The following KTN1 variants were observed in gnomAD, a reference collection of about 807,000 sequenced individuals.
KTN1 encodes the protein kinectin.
KTN1 carries 130 observed loss-of-function variants against 222.5 expected under a neutral mutation model. That is an observed-to-expected ratio of 0.58 (90% CI 0.51 to 0.68). KTN1 has a LOEUF of 0.68. KTN1 is among the 30% of genes least tolerant of loss of function. The probability of loss-of-function intolerance (pLI) is 0.00; values close to 1 mark genes in which losing one functional copy is unlikely to be tolerated. For synonymous variants in KTN1, 512 were observed against 496.3 expected (o/e 1.03, Z -0.42); for missense variants, 1,508 against 1,500.4 (o/e 1.01, Z -0.08).
At chr14:55,683,855 T>C (rs1595370254) in intron 43 of KTN1, 1 of 411,236 alleles carries the variant, frequency 2.4e-6, no homozygotes, top group Non-Finnish European at 4.3e-6. Flanking sequence ...CCAGTGTTGT[T>C]GTTTTAAATG....
chr14:55,664,096 G>A (rs1395657791), intron 33 of KTN1, 55 bp downstream of exon 33: 1 of 1,185,328 alleles, frequency 8.4e-7, no homozygotes, highest in Non-Finnish European at 1.2e-6. Flanking sequence ...TCTGCAGCTT[G>A]TCTTAAAATC....
In KTN1 at chr14:55,636,372, G is replaced by C. The variant is rs552995942; in HGVS notation, c.1462-77G>C. ...TGATACAACAGTAAAGGTAGAGGAT[G>C]CTTTTTTTCCCTCTTTTTCAAAGTA... On this transcript the variant is annotated intron_variant, in intron 9 of 43. Transcript: ENST00000395314. 136 of 1,065,578 alleles carry C rather than the reference G, an allele frequency of 1.3e-4. 1 individual carries two copies. In the Middle Eastern group the frequency reaches 1.8e-3, roughly 14 times the overall value. 66.0% of individuals were successfully genotyped at this position (1,065,578 alleles called of 1,614,324 possible).
intron 3 of KTN1, among the ~76,000 whole-genome samples, chr14:55,616,899 A>T (rs2038477711): frequency 6.6e-6 from 1 of 152,240 alleles, no homozygotes; most frequent in African/African-American, 2.4e-5. Flanking sequence ...GCATTTATAA[A>T]TATTCTTAAC....
At chr14:55,635,248 G>A (rs1204305453) in intron 9 of KTN1, among the ~76,000 whole-genome samples, 3 of 152,146 alleles carry the variant, frequency 2.0e-5, no homozygotes, top group Non-Finnish European at 2.9e-5. Flanking sequence ...ACCGTTTGAA[G>A]ATATGGTAAA....
At chr14:55,610,960 G>A (rs2037466118) in intron 1 of KTN1, among the ~76,000 whole-genome samples, 1 of 152,254 alleles carries the variant, frequency 6.6e-6, no homozygotes, top group African/African-American at 2.4e-5. Context: ...TGTTGATGAG[G>A]CAAAGCCTTT....
intron 1 of KTN1, among the ~76,000 whole-genome samples, chr14:55,596,801 C>G (rs567153170): frequency 7.1e-6 from 1 of 141,054 alleles, no homozygotes; most frequent in Admixed American, 7.0e-5. Flanking sequence ...AGAATAGAAC[C>G]TTTTTTTTTT....
At chr14:55,657,397 G>GTTTTTTTTTTTTGTTTTTTTT (rs1555383525) in intron 29 of KTN1, among the ~76,000 whole-genome samples, 2 of 137,676 alleles carry the variant, frequency 1.5e-5, no homozygotes, top group African/African-American at 5.5e-5. Context: ...CTGAGTTGAC[G>GTTTTTTTTTTTTGTTTTTTTT]TTTTTTTTTT....
At chr14:55,596,154 C>CAAAAAAAAAAAAAAAAAAAAAAAAAAAT (rs71448460) in intron 1 of KTN1, among the ~76,000 whole-genome samples, 1 of 61,132 alleles carries the variant, frequency 1.6e-5, no homozygotes, top group Non-Finnish European at 3.0e-5. Context: ...GACTCAATAG[C>CAAAAAAAAAAAAAAAAAAAAAAAAAAAT]AAAAAAAAAA....
At chr14:55,608,516 T>C (rs1023352580) in intron 1 of KTN1, among the ~76,000 whole-genome samples, 13 of 152,212 alleles carry the variant, frequency 8.5e-5, no homozygotes, top group Non-Finnish European at 1.8e-4. Flanking sequence ...TAACAAAGTT[T>C]TAGTGTTCAT....
intron 31 of KTN1, 69 bp downstream of exon 31, chr14:55,659,772 T>A (rs939890050): frequency 2.2e-6 from 2 of 915,082 alleles, no homozygotes; most frequent in African/African-American, 3.3e-5. Context: ...CATTCTCAAA[T>A]AAGCAATTTA....
intron 14 of KTN1, 148 bp downstream of exon 14, chr14:55,640,151 C>A: frequency 1.5e-6 from 1 of 662,610 alleles, no homozygotes; most frequent in South Asian, 2.0e-5. Context: ...ACAAAATTCT[C>A]TAGCTCTCTA....
At chr14:55,622,952 G>A (rs1419346816) in intron 5 of KTN1, among the ~76,000 whole-genome samples, 1 of 152,112 alleles carries the variant, frequency 6.6e-6, no homozygotes, top group Non-Finnish European at 1.5e-5. Flanking sequence ...CCCATATGGA[G>A]TCTTCTCTGG....
rs370262079 is a variant in KTN1 at position 55,611,308 on chromosome 14, C to G, written c.-30-711C>G. On this transcript the variant is annotated intron_variant, in intron 1 of 43. Coordinates refer to ENST00000395314, the MANE Select transcript of KTN1 (RefSeq NM_001079521.2). ...GTAAAGGCAGGGTTTCGCCATGTTG[C>G]CCAGGGTAGACTGGAACTCCTAGGC... is the stretch of plus-strand genomic sequence containing the variant. Among the ~76,000 whole-genome samples, 26 of 139,402 alleles carry G rather than the reference C, an allele frequency of 1.9e-4. No individual in the cohort carries two copies. The East Asian group carries it at 4.7e-3, about 25-fold the overall frequency. 91.5% of individuals were successfully genotyped at this position (139,402 alleles called of 152,430 possible). A position where few individuals can be genotyped will look rare whatever the true frequency, so the allele number is the denominator to read the frequency against.
At chr14:55,676,201 T>G (rs2045879418) in intron 41 of KTN1, among the ~76,000 whole-genome samples, 1 of 152,304 alleles carries the variant, frequency 6.6e-6, no homozygotes, top group South Asian at 2.1e-4. Flanking sequence ...TTTGGCTGCA[T>G]CCATATATTT....
chr14:55,606,895 A>G (rs778099920), intron 1 of KTN1, among the ~76,000 whole-genome samples: 2 of 152,176 alleles, frequency 1.3e-5, no homozygotes, highest in African/African-American at 4.8e-5. Flanking sequence ...CAAAACTTTT[A>G]GTCTTTCTGC....
At chr14:55,598,692 A>T (rs928548372) in intron 1 of KTN1, among the ~76,000 whole-genome samples, 6 of 152,166 alleles carry the variant, frequency 3.9e-5, no homozygotes, top group Non-Finnish European at 8.8e-5. Context: ...CATTGTTTCT[A>T]TGGAGATTTT....
In KTN1 at chr14:55,637,981, A is replaced by C. The variant is rs528866244; in HGVS notation, c.1785+134A>C. 3.8e-4 allele frequency: 238 copies of C among 623,344 alleles called. 1 individual carries two copies. The highest frequency in any genetic ancestry group is 5.7e-4 in the Non-Finnish European group (201 of 353,726). The allele number at this position is 623,344 out of a possible 1,614,324, so 38.6% of individuals were successfully genotyped here. ...AATGAATCAACAAATGATGATCCTG[A>C]GTGCTAAACACTTGCTAATTATGTA... is the stretch of plus-strand genomic sequence containing the variant. On this transcript the variant is annotated intron_variant, in intron 12 of 43. Transcript: ENST00000395314.
intron 40 of KTN1, chr14:55,673,789 A>T (rs1175372184): frequency 6.6e-6 from 1 of 152,202 alleles, no homozygotes; most frequent in Non-Finnish European, 1.5e-5. Flanking sequence ...TTTAGAGTAT[A>T]GTAATCCTAA....
At chr14:55,660,525 T>C (rs1177800690) in intron 31 of KTN1, among the ~76,000 whole-genome samples, 1 of 152,120 alleles carries the variant, frequency 6.6e-6, no homozygotes, top group Admixed American at 6.5e-5. Context: ...TTAAGTATAT[T>C]AATAGATGAT....
Sources: allele counts gnomAD v4.1 joint callset (sites outside exome capture counted in the v4.1 genomes callset), GRCh38; gene constraint gnomAD v4.1.1; transcripts MANE v1.5; gene names NCBI Gene and HGNC (gene_info 2026-07-23, HGNC 2026-07-21).